Variants in CELF4 observed in about 807,000 individuals in gnomAD.
CELF4 encodes the protein CUGBP Elav-like family member 4, also known as CUG-BP- and ETR-3-like factor 4.
In CELF4, 18 loss-of-function variants were observed where a neutral mutation model predicts 59.9. That is an observed-to-expected ratio of 0.30 (90% CI 0.21 to 0.45). The LOEUF (loss-of-function observed/expected upper bound fraction) is 0.45, where lower values mean the gene tolerates loss of function less well. CELF4 is among the 20% of genes least tolerant of loss of function. The probability of loss-of-function intolerance (pLI) is 1.00; values close to 1 mark genes in which losing one functional copy is unlikely to be tolerated. For missense variants in CELF4, 456 were observed against 689.0 expected (o/e 0.66, Z 3.79); for synonymous variants, 261 against 267.1 (o/e 0.98, Z 0.22).
chr18:37,286,411 G>A (rs1471225165), intron 3 of CELF4, among the ~76,000 whole-genome samples: 2 of 152,070 alleles, frequency 1.3e-5, no homozygotes, highest in Non-Finnish European at 2.9e-5. Flanking sequence ...TGACCCTTAT[G>A]GGGCCTCAAA....
chr18:37,312,901 CG>C (rs1569558134), intron 3 of CELF4, among the ~76,000 whole-genome samples: 1 of 152,160 alleles, frequency 6.6e-6, no homozygotes, highest in African/African-American at 2.4e-5. Flanking sequence ...GAGCTGTGGA[CG>C]TCCAGGTCTG....
At position 37,556,286 on chromosome 18, in the gene CELF4, G is replaced by A. The variant is rs59765265; in HGVS notation, c.286+9070C>T. On this transcript the variant is annotated intron_variant, in intron 1 of 12. Transcript: ENST00000420428. The stretch of plus-strand genomic sequence containing the variant: ...GCTGCAGGCTTGACTTTGGGCATAC[G>A]CTACTCTGAGCCTCAGTCTCTTTAT... Among the ~76,000 whole-genome samples, 577 of 152,300 alleles carry A rather than the reference G, an allele frequency of 3.8e-3. 4 individuals carry two copies. Among genetic ancestry groups the A allele is most frequent in the African/African-American group, 0.013 (545 of 41,566 alleles).
chr18:37,390,921 C>T lies in CELF4; in HGVS notation c.370-69040G>A, dbSNP rs1271026570. Among the ~76,000 whole-genome samples the T allele has an allele frequency of 2.6e-5, 4 of 152,014 alleles. No homozygotes were observed. The East Asian group carries it at 7.8e-4, about 30-fold the overall frequency. Reference sequence around the variant, plus strand: ...GACCCCTGACCCAGCCTGATCAATCCTAATGGAATGGAGCAGAGGGGCAGC... The same window carrying T: ...GACCCCTGACCCAGCCTGATCAATCTTAATGGAATGGAGCAGAGGGGCAGC... On this transcript the variant is annotated intron_variant, in intron 2 of 12. Transcript: ENST00000420428.
chr18:37,506,902 C>T lies in CELF4; in HGVS notation c.287-21295G>A, dbSNP rs963249585. Among the ~76,000 whole-genome samples the T allele has an allele frequency of 3.9e-5, 6 of 152,274 alleles. No homozygotes were observed. The South Asian group carries it at 6.2e-4, about 16-fold the overall frequency. On this transcript the variant is annotated intron_variant, in intron 1 of 12. Coordinates refer to ENST00000420428, the MANE Select transcript of CELF4 (RefSeq NM_020180.4). ...TCCGTCTCATCTGCTCCTCACTTTCCGGGAGCTGGAAGGGGGTCAGGCACC... is the reference window on the plus strand; with the variant it reads ...TCCGTCTCATCTGCTCCTCACTTTCTGGGAGCTGGAAGGGGGTCAGGCACC...
chr18:37,450,689 C>G (rs561077016), intron 2 of CELF4, among the ~76,000 whole-genome samples: 1 of 152,064 alleles, frequency 6.6e-6, no homozygotes, highest in African/African-American at 2.4e-5. Flanking sequence ...GCTGACCCTA[C>G]GGGGCACCCG....
intron 2 of CELF4, among the ~76,000 whole-genome samples, chr18:37,360,714 A>G (rs968419257): frequency 1.3e-5 from 2 of 152,022 alleles, no homozygotes; most frequent in Non-Finnish European, 2.9e-5. Context: ...TGCTGGCTTG[A>G]TATTTGGGTT....
intron 2 of CELF4, among the ~76,000 whole-genome samples, chr18:37,466,565 C>T (rs751689435): frequency 6.6e-6 from 1 of 152,096 alleles, no homozygotes; most frequent in African/African-American, 2.4e-5. Context: ...GGTCTGGTCC[C>T]AAGGGTTCAT....
intron 2 of CELF4, among the ~76,000 whole-genome samples, chr18:37,337,263 C>T (rs544862073): frequency 1.3e-5 from 2 of 152,176 alleles, no homozygotes; most frequent in South Asian, 2.1e-4. Context: ...GGTGGGGAGA[C>T]TGGCGAGACC....
intron 1 of CELF4, among the ~76,000 whole-genome samples, chr18:37,554,248 C>A (rs115104185): frequency 0.028 from 4,219 of 152,272 alleles, 218 homozygotes; most frequent in African/African-American, 0.096. Flanking sequence ...GGGTTGTGTG[C>A]ACTGGGGAGG....
At chr18:37,450,420 T>A (rs2099759962) in intron 2 of CELF4, among the ~76,000 whole-genome samples, 1 of 150,320 alleles carries the variant, frequency 6.7e-6, no homozygotes, top group Non-Finnish European at 1.5e-5. Flanking sequence ...TCCCTCCCTC[T>A]CCCCTGCACC....
At chr18:37,368,285 C>G (rs1235298978) in intron 2 of CELF4, among the ~76,000 whole-genome samples, 3 of 152,178 alleles carry the variant, frequency 2.0e-5, no homozygotes, top group Non-Finnish European at 1.5e-5. Context: ...CCCCATCTCC[C>G]TCTTCAGCCC....
chr18:37,287,622 C>G (rs1207113938), intron 3 of CELF4, among the ~76,000 whole-genome samples: 1 of 152,318 alleles, frequency 6.6e-6, no homozygotes, highest in East Asian at 1.9e-4. Flanking sequence ...CCCTGTTTCT[C>G]AGGCCTCTGG....
At chr18:37,525,863 T>C (rs752016754) in intron 1 of CELF4, among the ~76,000 whole-genome samples, 6 of 152,190 alleles carry the variant, frequency 3.9e-5, no homozygotes, top group Non-Finnish European at 7.3e-5. Context: ...AGAGGAATGA[T>C]TCTCAAAAGT....
intron 1 of CELF4, among the ~76,000 whole-genome samples, chr18:37,494,213 T>G (rs918722827): frequency 6.6e-6 from 1 of 152,186 alleles, no homozygotes; most frequent in Admixed American, 6.5e-5. Flanking sequence ...AGCTTGAGAA[T>G]TACATGTCTG....
intron 1 of CELF4, among the ~76,000 whole-genome samples, chr18:37,491,793 G>A (rs2099906487): frequency 6.6e-6 from 1 of 152,216 alleles, no homozygotes; most frequent in South Asian, 2.1e-4. Context: ...AGACCATGGT[G>A]CAAGGGGTAC....
At chr18:37,367,253 G>A (rs2098796836) in intron 2 of CELF4, among the ~76,000 whole-genome samples, 1 of 152,114 alleles carries the variant, frequency 6.6e-6, no homozygotes, top group South Asian at 2.1e-4. Context: ...AGAGCATGGA[G>A]CAGGTGGACA....
chr18:37,255,085 T>C (rs1046599894), intron 11 of CELF4, among the ~76,000 whole-genome samples: 5 of 152,234 alleles, frequency 3.3e-5, no homozygotes, highest in African/African-American at 1.2e-4. Context: ...AGGCCTTTTC[T>C]CCTGTAAAAA....
chr18:37,539,450 C>G (rs974664779), intron 1 of CELF4, among the ~76,000 whole-genome samples: 1 of 114,846 alleles, frequency 8.7e-6, no homozygotes, highest in African/African-American at 3.6e-5. Context: ...ACCTCTAAGA[C>G]ACACACACAC....
At chr18:37,299,279 C>T (rs2154444739) in intron 3 of CELF4, among the ~76,000 whole-genome samples, 1 of 152,314 alleles carries the variant, frequency 6.6e-6, no homozygotes. Context: ...ATTTGTGTCT[C>T]TTAAGCCTAC....
Sources: allele counts gnomAD v4.1 joint callset (sites outside exome capture counted in the v4.1 genomes callset), GRCh38; gene constraint gnomAD v4.1.1; transcripts MANE v1.5; gene names NCBI Gene and HGNC (gene_info 2026-07-23, HGNC 2026-07-21).